GLT1D1: variants seen among roughly 807,000 people sequenced by gnomAD.
GLT1D1 encodes the protein glycosyltransferase 1 domain containing 1, also known as glycosyltransferase 1 domain-containing protein 1.
GLT1D1 carries 21 observed loss-of-function variants against 28.7 expected under a neutral mutation model. The observed-to-expected ratio is 0.73, with a 90% confidence interval of 0.52 to 1.05. The LOEUF is 1.05. GLT1D1 is among the 50% of genes least tolerant of loss of function. The pLI, the probability that GLT1D1 is intolerant of heterozygous loss-of-function variation, is 0.00. For missense variants in GLT1D1, 343 were observed against 330.6 expected, an observed-to-expected ratio of 1.04 and a Z score of -0.29; for synonymous variants, 147 against 124.8, an observed-to-expected ratio of 1.18 and a Z score of -1.19.
At chr12:128,928,247 G>A (rs1259667999) in intron 4 of GLT1D1, among the ~76,000 whole-genome samples, 1 of 152,074 alleles carries the variant, frequency 6.6e-6, no homozygotes, top group South Asian at 2.1e-4. Context: ...TTGTTGTGTG[G>A]AAAATGAGTA....
chr12:128,912,329 CT>C (rs142482991), intron 4 of GLT1D1, 94 bp from the exon 5 acceptor site: 18 of 741,172 alleles, frequency 2.4e-5, no homozygotes, highest in South Asian at 5.4e-5. Context: ...TCCAGGACGG[CT>C]TTTTTTGTTA....
At position 128,970,742 on chromosome 12, in the gene GLT1D1, C is replaced by T. The variant is rs887480909; in HGVS notation, c.640-12187C>T. On this transcript the variant is annotated intron_variant, in intron 7 of 7. Transcript: ENST00000281703. ...TTGAAATCACCTTGGAAGGACTTTT[C>T]GTGGCCACCCACTGTGACTGGGGTT... Among the ~76,000 whole-genome samples the T allele has an allele frequency of 2.6e-5, 4 of 152,224 alleles. No individual in the cohort carries two copies. In the South Asian group the frequency reaches 8.3e-4, roughly 32 times the overall value.
chr12:128,902,486 CAAAAAAAAAAAAAA>C (rs1241294361), intron 4 of GLT1D1, among the ~76,000 whole-genome samples: 3 of 131,390 alleles, frequency 2.3e-5, no homozygotes, highest in East Asian at 4.3e-4. Flanking sequence ...AATTCTGTCT[CAAAAAAAAAAAAAA>C]GAAAGAAAAA....
chr12:128,958,788 G>T (rs1593190416), intron 7 of GLT1D1, among the ~76,000 whole-genome samples: 7 of 120,798 alleles, frequency 5.8e-5, no homozygotes, highest in Admixed American at 8.4e-5. Flanking sequence ...GGAAGGCATT[G>T]TCACTACGTA....
intron 1 of GLT1D1, among the ~76,000 whole-genome samples, chr12:128,863,337 T>C (rs1956426631): frequency 6.6e-6 from 1 of 152,090 alleles, no homozygotes; most frequent in African/African-American, 2.4e-5. Flanking sequence ...AATGGGAGCT[T>C]TGTGACTTGC....
chr12:128,873,479 C>A (rs894084027), intron 1 of GLT1D1, among the ~76,000 whole-genome samples: 2 of 152,146 alleles, frequency 1.3e-5, no homozygotes, highest in East Asian at 3.9e-4. Flanking sequence ...AGCTGCAGTG[C>A]GTATTCCTGG....
At chr12:128,919,935 T>C (rs1872479512) in intron 4 of GLT1D1, among the ~76,000 whole-genome samples, 3 of 151,722 alleles carry the variant, frequency 2.0e-5, no homozygotes, top group Middle Eastern at 3.4e-3. Context: ...TCTAGTTTTA[T>C]TGCTTATTTC....
chr12:128,973,155 T>A (rs1879359031), intron 7 of GLT1D1, among the ~76,000 whole-genome samples: 1 of 150,750 alleles, frequency 6.6e-6, no homozygotes, highest in African/African-American at 2.5e-5. Flanking sequence ...AGTATTTGTC[T>A]TTTCTGTTTT....
At chr12:128,883,590 A>T (rs1353221328) in intron 2 of GLT1D1, among the ~76,000 whole-genome samples, 28 of 92,298 alleles carry the variant, frequency 3.0e-4, no homozygotes, top group African/African-American at 1.2e-3. Context: ...ACTCCATCTC[A>T]AAAAAAAAAA....
rs1366637944 is a variant in GLT1D1 at position 128,873,926 on chromosome 12, TTTC to T, written c.69-1985_69-1983del. Among the ~76,000 whole-genome samples, 5 of 113,560 alleles carry T rather than the reference TTTC, an allele frequency of 4.4e-5. No homozygotes were observed. In the East Asian group the frequency reaches 1.1e-3, roughly 26 times the overall value. 74.5% of individuals were successfully genotyped at this position (113,560 alleles called of 152,430 possible). ...CTCTTTCTTTCTCTCTTTCTTTTTC[TTTC>T]TTTCTTTTTCTTTCTTTCTTTCCTT... On this transcript the variant is annotated intron_variant, in intron 1 of 7. Transcript: ENST00000281703.
Position 128,922,962 on chromosome 12 carries a change from A to G in GLT1D1, c.376-22364A>G, listed in dbSNP as rs550463587. On this transcript the variant is annotated intron_variant, in intron 4 of 7. Transcript: ENST00000281703. ...AAAAAAAAAAGAGTATTAAGGAAAT[A>G]TTAAAAACTCTACATATTCAATGAA... Among the ~76,000 whole-genome samples, 4 of 150,332 alleles carry G rather than the reference A, an allele frequency of 2.7e-5. No individual in the cohort carries two copies. In the South Asian group the frequency reaches 8.4e-4, roughly 32 times the overall value.
At chr12:128,858,817 C>T (rs1030907249) in intron 1 of GLT1D1, among the ~76,000 whole-genome samples, 3 of 152,118 alleles carry the variant, frequency 2.0e-5, no homozygotes, top group Non-Finnish European at 4.4e-5. Context: ...GGGCAGCCAC[C>T]GTAAGACTTC....
At chr12:128,857,783 G>GA (rs1346437894) in intron 1 of GLT1D1, among the ~76,000 whole-genome samples, 1 of 151,904 alleles carries the variant, frequency 6.6e-6, no homozygotes, top group East Asian at 1.9e-4. Context: ...TGAATTTAAA[G>GA]AAAAAAAGAA....
chr12:128,946,263 A>G (rs925648024), intron 5 of GLT1D1, among the ~76,000 whole-genome samples: 9 of 152,236 alleles, frequency 5.9e-5, no homozygotes, highest in African/African-American at 1.7e-4. Context: ...CAAAATGTCT[A>G]TGACAAAATA....
At chr12:128,883,388 G>A (rs559960875) in intron 2 of GLT1D1, among the ~76,000 whole-genome samples, 1 of 150,044 alleles carries the variant, frequency 6.7e-6, no homozygotes, top group East Asian at 2.1e-4. Flanking sequence ...TCAGGAGTTC[G>A]AGACCAGCCT....
chr12:128,888,996 G>A (rs1868716401), intron 3 of GLT1D1, among the ~76,000 whole-genome samples: 1 of 152,144 alleles, frequency 6.6e-6, no homozygotes. Context: ...GGTCTGCATG[G>A]AGCCAGGCAT....
rs186620089 is a variant in GLT1D1 at position 128,876,752 on chromosome 12, C to T, written c.217+690C>T. Among the ~76,000 whole-genome samples the T allele has an allele frequency of 2.6e-5, 4 of 152,306 alleles. No homozygotes were observed. In the East Asian group the frequency reaches 5.8e-4, roughly 22 times the overall value. ...AAGATGTTAAAACCAGTTTAAAGCA[C>T]ATTTGAGCAACTGGAGTTTAAATAA... On this transcript the variant is annotated intron_variant, in intron 2 of 7. Transcript: ENST00000281703.
At chr12:128,903,422 A>T (rs1478542906) in intron 4 of GLT1D1, among the ~76,000 whole-genome samples, 1 of 151,718 alleles carries the variant, frequency 6.6e-6, no homozygotes, top group Non-Finnish European at 1.5e-5. Flanking sequence ...CAGCGGGTGG[A>T]GATACGGTCC....
At chr12:128,927,296 T>A in intron 4 of GLT1D1, 142 bp downstream of exon 8, 2 of 631,548 alleles carry the variant, frequency 3.2e-6, no homozygotes, top group Non-Finnish European at 5.5e-6. Context: ...TGGAGTGCAG[T>A]GGCGTGATCT....
Sources: allele counts gnomAD v4.1 joint callset (sites outside exome capture counted in the v4.1 genomes callset), GRCh38; gene constraint gnomAD v4.1.1; transcripts MANE v1.5; gene names NCBI Gene and HGNC (gene_info 2026-07-23, HGNC 2026-07-21).